NBEAL2: variants seen among roughly 807,000 people sequenced by gnomAD.
NBEAL2 encodes neurobeachin like 2, also known as neurobeachin-like protein 2.
NBEAL2 carries 160 observed loss-of-function variants against 299.8 expected under a neutral mutation model. The ratio of observed to expected loss-of-function variants is 0.53; its 90% CI spans 0.47 to 0.61. The LOEUF (loss-of-function observed/expected upper bound fraction) is 0.61, where lower values mean the gene tolerates loss of function less well. Among genes scored for constraint, NBEAL2 ranks in the 20% least tolerant of loss-of-function variants. NBEAL2 has a pLI of 0.00. For synonymous variants in NBEAL2, 1,493 were observed against 1,542.3 expected, an observed-to-expected ratio of 0.97 and a Z score of 0.75; for missense variants, 3,112 against 3,649.0, an observed-to-expected ratio of 0.85 and a Z score of 3.79.
intron 25 of NBEAL2, 77 bp from the exon 26 acceptor site, chr3:46,999,553 T>C (rs2036794395): frequency 1.3e-6 from 2 of 1,590,084 alleles, no homozygotes; most frequent in African/African-American, 1.3e-5. Context: ...AGGAAGATAG[T>C]GGCATAGGGG....
Position 47,003,092 on chromosome 3 carries a change from G to A in NBEAL2, c.5584+11G>A. The A allele has an allele frequency of 1.2e-6, 2 of 1,612,146 alleles. No homozygotes were observed. The highest frequency in any genetic ancestry group is 1.7e-6 in the Non-Finnish European group (2 of 1,179,202). On this transcript the variant is annotated intron_variant, in intron 34 of 53. Coordinates refer to ENST00000450053, the MANE Select transcript of NBEAL2 (RefSeq NM_015175.3). The surrounding 1 kb of genome is among the most constrained non-coding windows in gnomAD (Gnocchi z 7.0). ...TCCGAGACAATCTGGGTGAGGGAGT[G>A]TGCTGAGATGGGTCCACCCAACTCG...
intron 21 of NBEAL2, 63 bp downstream of exon 21, chr3:46,998,289 C>G (rs2036660449): frequency 2.6e-6 from 4 of 1,566,726 alleles, no homozygotes; most frequent in Non-Finnish European, 3.5e-6. Flanking sequence ...GAAGTTAGAA[C>G]TCTGCTCTGG....
Position 47,003,179 on chromosome 3 carries a change from G to T in NBEAL2, c.5590G>T (p.Val1864Phe), listed in dbSNP as rs376348938. ...ASALRDNLGEVPLTPTEEASL... is the reference protein window; with the variant it reads ...ASALRDNLGEFPLTPTEEASL... The stretch of plus-strand genomic sequence containing the variant: ...GTACCCTTGGCCCCTTGCAGGTGAG[G>T]TTCCCCTGACACCCACCGAGGAGGC... The change falls in exon 35 of 54, where the codon GTT (valine) becomes TTT (phenylalanine). Residue 1864 changes from valine to phenylalanine, a missense_variant. Transcript: ENST00000450053. This position sits in a 1 kb window ranked among gnomAD's most constrained non-coding sequence, Gnocchi z 7.0. 1.2e-6 allele frequency: 2 copies of T among 1,605,952 alleles called. No individual in the cohort carries two copies. Among genetic ancestry groups the T allele is most frequent in the Non-Finnish European group, 1.7e-6 (2 of 1,174,528 alleles).
Position 47,001,753 on chromosome 3 carries a change from C to A in NBEAL2, c.4709C>A (p.Thr1570Lys), listed in dbSNP as rs759039472. Residue 1570 changes from threonine (T) to lysine (K), a missense_variant, in exon 30 of 54, where the codon ACA becomes AAA. By Grantham distance (78) the Thr-to-Lys change is moderately conservative (BLOSUM62 -1). This residue lies in a region of NBEAL2 where 2,243 missense variants were observed against 2,538.1 expected (regional missense o/e 0.88). Transcript: ENST00000450053. The surrounding 1 kb of genome is among the most constrained non-coding windows in gnomAD (Gnocchi z 6.1). ...LGAWPHLANG[T>K]ADLREMAQIG... ...GCCTGGCCCCACCTGGCCAACGGCA[C>A]AGCTGATCTCCGTGAGATGGCGCAG... 6.2e-7 allele frequency: 1 copy of A among 1,613,922 alleles called. No individual in the cohort carries two copies.
Position 47,007,628 on chromosome 3 carries a change from T to G in NBEAL2, c.7438T>G (p.Trp2480Gly). ...DGKLLFSGGH[W>G]DGSLRVTALP... is the part of the protein sequence containing the mutation. ...AAAGCTGCTATTCAGCGGTGGCCAC[T>G]GGGATGGCAGCCTGCGGGTGACTGC... The change falls in exon 48 of 54, where the codon TGG (tryptophan) becomes GGG (glycine). Residue 2480 changes from tryptophan (W) to glycine (G), a missense_variant. Coordinates refer to ENST00000450053, the MANE Select transcript of NBEAL2 (RefSeq NM_015175.3). The G allele has an allele frequency of 6.2e-7, 1 of 1,611,466 alleles. No homozygotes were observed. Among genetic ancestry groups the G allele is most frequent in the South Asian group, 1.1e-5 (1 of 90,632 alleles).
intron 1 of NBEAL2, among the ~76,000 whole-genome samples, chr3:46,987,288 G>A (rs2107278626): frequency 6.6e-6 from 1 of 152,384 alleles, no homozygotes; most frequent in South Asian, 2.1e-4. Flanking sequence ...CCCCTGGGGA[G>A]CAGCCTGAGG....
intron 45 of NBEAL2, 82 bp downstream of exon 45, chr3:47,006,531 TG>T: frequency 7.8e-7 from 1 of 1,286,074 alleles, no homozygotes; most frequent in Non-Finnish European, 1.1e-6. Context: ...GTGGGGCAGA[TG>T]GGAATCCTAA....
chr3:47,007,407 T>G (rs935963042), intron 47 of NBEAL2, 57 bp downstream of exon 47: 3 of 1,558,418 alleles, frequency 1.9e-6, no homozygotes, highest in Non-Finnish European at 2.6e-6. Flanking sequence ...CCGGAATTAT[T>G]CCCCTCCCTA....
In NBEAL2 at chr3:47,000,029, T is replaced by C; in HGVS notation, c.3930T>C (p.Pro1310=). The C allele has an allele frequency of 6.2e-7, 1 of 1,612,198 alleles. No homozygotes were observed. Among genetic ancestry groups the C allele is most frequent in the Non-Finnish European group, 8.5e-7 (1 of 1,179,594 alleles). ...CCCCTCCGTCTTCCCCAGAGTCACCTACCTCCCCCAAGCCAGCCCCACCCA... is the reference window on the plus strand; with the variant it reads ...CCCCTCCGTCTTCCCCAGAGTCACCCACCTCCCCCAAGCCAGCCCCACCCA... ...GSPPPSSPES[P]TSPKPAPPKP... is the part of the protein sequence containing the mutation. The change falls in exon 27 of 54, where the codon CCT becomes CCC. Residue 1310 remains proline, a synonymous_variant. Coordinates refer to ENST00000450053, the MANE Select transcript of NBEAL2 (RefSeq NM_015175.3). This position sits in a 1 kb window ranked among gnomAD's most constrained non-coding sequence, Gnocchi z 4.5.
rs760727917 is a variant in NBEAL2, at chr3:46,991,865, T to C, written c.951T>C (p.Cys317=). ...MLDAIPMMLA[C]EDRPVLQATF... Reference sequence around the variant, plus strand: ...ACGCCATCCCCATGATGCTGGCATGTGAAGACCGGCCAGTGCTGCAAGCCA... The same window carrying C: ...ACGCCATCCCCATGATGCTGGCATGCGAAGACCGGCCAGTGCTGCAAGCCA... The change falls in exon 9 of 54, where the codon TGT becomes TGC. Residue 317 remains cysteine, a synonymous_variant. Coordinates refer to ENST00000450053, the MANE Select transcript of NBEAL2 (RefSeq NM_015175.3). This position sits in a 1 kb window ranked among gnomAD's most constrained non-coding sequence, Gnocchi z 6.2. 1 of 1,601,220 alleles carries C rather than the reference T, an allele frequency of 6.2e-7. No individual in the cohort carries two copies. The highest frequency in any genetic ancestry group is 2.3e-5 in the East Asian group (1 of 44,304).
In NBEAL2 at chr3:47,004,598, TCCC is replaced by T. The variant is rs1290541815; in HGVS notation, c.6294+9_6294+11del. On this transcript the variant is annotated intron_variant, in intron 38 of 53. Transcript: ENST00000450053. The surrounding 1 kb of genome is among the most constrained non-coding windows in gnomAD (Gnocchi z 5.0). ...CTGTCTCAGTACCCTGTGGTGAGGG[TCCC>T]ACTCTGCACCCCTCCACCCCTGCCC... 2 of 1,611,486 alleles carry T rather than the reference TCCC, an allele frequency of 1.2e-6. No individual in the cohort carries two copies. Among genetic ancestry groups the T allele is most frequent in the Non-Finnish European group, 1.7e-6 (2 of 1,178,020 alleles).
Position 47,008,617 on chromosome 3 carries a change from T to C in NBEAL2, c.7976T>C (p.Phe2659Ser). The change falls in exon 52 of 54, where the codon TTT becomes TCT. Residue 2659 changes from phenylalanine (F) to serine (S), a missense_variant. Physicochemically the swap from Phe to Ser is radical, Grantham distance 155 (BLOSUM62 -2). Around this residue, in one of 3 missense-constraint regions of NBEAL2, gnomAD observed 348 missense variants for 381.4 expected, o/e 0.91. Coordinates refer to ENST00000450053, the MANE Select transcript of NBEAL2 (RefSeq NM_015175.3). ...ACAGCCCTGACGGTGACAGAGGACT[T>C]TGTGTTGCTGGGCACCGCCCAGTGC... ...QPTALTVTED[F>S]VLLGTAQCAL... The C allele has an allele frequency of 8.1e-6, 13 of 1,613,542 alleles. No individual in the cohort carries two copies. Among genetic ancestry groups the C allele is most frequent in the Non-Finnish European group, 1.1e-5 (13 of 1,179,854 alleles).
At position 46,991,778 on chromosome 3, in the gene NBEAL2, A is replaced by C; in HGVS notation, c.926-62A>C. 6.4e-7 allele frequency: 1 copy of C among 1,562,660 alleles called. No individual in the cohort carries two copies. On this transcript the variant is annotated intron_variant, in intron 8 of 53. Coordinates refer to ENST00000450053, the MANE Select transcript of NBEAL2 (RefSeq NM_015175.3). This position sits in a 1 kb window ranked among gnomAD's most constrained non-coding sequence, Gnocchi z 6.2. The stretch of plus-strand genomic sequence containing the variant: ...GAAGGTCTGGATAGGGCAGCATAGG[A>C]AGGAAGGCTTAAGGCTGCCTAGAGG...
chr3:46,997,720 G>C (rs2036607433), intron 20 of NBEAL2, 26 bp downstream of exon 20: 7 of 1,472,386 alleles, frequency 4.8e-6, no homozygotes, highest in Non-Finnish European at 6.3e-6. Flanking sequence ...ACAGGCATGG[G>C]GGTTAGGGGT....
rs1246705931 is a variant in NBEAL2 at position 46,991,024 on chromosome 3, A to T, written c.557-195A>T. 6.6e-6 allele frequency among the ~76,000 whole-genome samples: 1 copy of T among 152,082 alleles called. No individual in the cohort carries two copies. The highest frequency in any genetic ancestry group is 2.4e-5 in the African/African-American group (1 of 41,382). On this transcript the variant is annotated intron_variant, in intron 6 of 53. Coordinates refer to ENST00000450053, the MANE Select transcript of NBEAL2 (RefSeq NM_015175.3). The surrounding 1 kb of genome is among the most constrained non-coding windows in gnomAD (Gnocchi z 6.2). ...CCCCCAAAGAAGGGTTGTCCCTTTC[A>T]GGCCCTCTACTATACAGCCATAACT...
Position 47,003,728 on chromosome 3 carries a change from C to T in NBEAL2, c.5721-88C>T. The T allele has an allele frequency of 6.8e-7, 1 of 1,466,414 alleles. No individual in the cohort carries two copies. Among genetic ancestry groups the T allele is most frequent in the South Asian group, 1.4e-5 (1 of 73,178 alleles). The allele number at this position is 1,466,414 out of a possible 1,614,324, so 90.8% of individuals were successfully genotyped here. ...CTGGGAGTCATGAGAGTATATACCC[C>T]ATGACTCAATGGCACTTGGATGCCC... On this transcript the variant is annotated intron_variant, in intron 35 of 53. Coordinates refer to ENST00000450053, the MANE Select transcript of NBEAL2 (RefSeq NM_015175.3). This position sits in a 1 kb window ranked among gnomAD's most constrained non-coding sequence, Gnocchi z 7.0.
rs748540275 is a variant in NBEAL2 at position 47,001,737 on chromosome 3, C to T, written c.4693C>T (p.His1565Tyr). The T allele has an allele frequency of 1.3e-5, 21 of 1,613,822 alleles. No homozygotes were observed. Among genetic ancestry groups the T allele is most frequent in the East Asian group, 1.1e-4 (5 of 44,900 alleles). The stretch of plus-strand genomic sequence containing the variant: ...ACTTGATCGCCTGGGAGCCTGGCCC[C>T]ACCTGGCCAACGGCACAGCTGATCT... ...SLLDRLGAWP[H>Y]LANGTADLRE... The change falls in exon 30 of 54, where the codon CAC becomes TAC. Residue 1565 changes from histidine to tyrosine, a missense_variant. His to Tyr is a moderately conservative substitution (Grantham distance 83). This residue lies in a region of NBEAL2 where 2,243 missense variants were observed against 2,538.1 expected (regional missense o/e 0.88). Coordinates refer to ENST00000450053, the MANE Select transcript of NBEAL2 (RefSeq NM_015175.3). This position sits in a 1 kb window ranked among gnomAD's most constrained non-coding sequence, Gnocchi z 6.1.
rs766206639 is a variant in NBEAL2 at position 47,001,204 on chromosome 3, A to AGG, written c.4484+28_4484+29dup. 4.4e-6 allele frequency: 7 copies of AGG among 1,600,516 alleles called. No homozygotes were observed. The African/African-American group carries it at 9.4e-5, about 22-fold the overall frequency. ...GGTGAGAGGGAAAGTCTGGAGGGGGAGGGGCTTCAGGAAGCCTCGGGGGAA... is the reference window on the plus strand; with the variant it reads ...GGTGAGAGGGAAAGTCTGGAGGGGGAGGGGGGCTTCAGGAAGCCTCGGGGGAA... On this transcript the variant is annotated intron_variant, in intron 28 of 53. Transcript: ENST00000450053. The surrounding 1 kb of genome is among the most constrained non-coding windows in gnomAD (Gnocchi z 6.1).
rs1304465130 is a variant in NBEAL2, at chr3:47,005,211, C to A, written c.6450C>A (p.Thr2150=). The A allele has an allele frequency of 6.8e-6, 11 of 1,613,768 alleles. No homozygotes were observed. The highest frequency in any genetic ancestry group is 9.3e-6 in the Non-Finnish European group (11 of 1,179,890). Residue 2150 remains threonine, a synonymous_variant, in exon 40 of 54, where the codon ACC becomes ACA. Coordinates refer to ENST00000450053, the MANE Select transcript of NBEAL2 (RefSeq NM_015175.3). ...AAAGCTTTGAGGACCCAGCAGGGAC[C>A]ATTGACAAGTTCCACTATGGCACCC... is the stretch of plus-strand genomic sequence containing the variant. The part of the protein sequence containing the change: ...KYESFEDPAG[T]IDKFHYGTHY...
Sources: allele counts gnomAD v4.1 joint callset (sites outside exome capture counted in the v4.1 genomes callset), GRCh38; gene constraint gnomAD v4.1.1; regional missense constraint gnomAD v4.1.1; non-coding constraint Gnocchi (gnomAD v3.1); transcripts MANE v1.5; gene names NCBI Gene and HGNC (gene_info 2026-07-23, HGNC 2026-07-21).